Variants in MCCC1 observed in about 807,000 individuals in gnomAD.
MCCC1 encodes the protein methylcrotonyl-CoA carboxylase subunit 1, also known as methylcrotonoyl-CoA carboxylase subunit alpha, mitochondrial.
MCCC1 carries 64 observed loss-of-function variants against 83.8 expected under a neutral mutation model. The observed-to-expected ratio is 0.76, with a 90% confidence interval of 0.62 to 0.94. The LOEUF is 0.94. Among genes scored for constraint, MCCC1 ranks in the 40% least tolerant of loss-of-function variants. MCCC1 has a pLI of 0.00. For synonymous variants in MCCC1, 322 were observed against 315.4 expected (o/e 1.02, Z -0.22); for missense variants, 807 against 904.7 (o/e 0.89, Z 1.39).
At position 183,092,423 on chromosome 3, in the gene MCCC1, T is replaced by A. The variant is rs1214601221; in HGVS notation, c.259A>T (p.Met87Leu). 1 of 1,614,092 alleles carries A rather than the reference T, an allele frequency of 6.2e-7. No individual in the cohort carries two copies. The highest frequency in any genetic ancestry group is 8.5e-7 in the Non-Finnish European group (1 of 1,180,040). The change falls in exon 3 of 19, where the codon ATG (methionine) becomes TTG (leucine). Residue 87 changes from methionine to leucine, a missense_variant. Physicochemically the swap from Met to Leu is conservative, Grantham distance 15 (BLOSUM62 2). Transcript: ENST00000265594. ...TTAACACATACCATATCTACATGCA[T>A]GGAATTTCTGTCAGCCTCACTATAA... Reference protein sequence around the residue: ...AVYSEADRNSMHVDMADEAYS... With the variant: ...AVYSEADRNSLHVDMADEAYS...
rs112550563 is a variant in MCCC1, at chr3:183,088,354, A to G, written c.274-1566T>C. 9.8e-3 allele frequency among the ~76,000 whole-genome samples: 1,482 copies of G among 151,906 alleles called. 29 individuals carry two copies. The highest frequency in any genetic ancestry group is 0.034 in the African/African-American group (1,416 of 41,424). On this transcript the variant is annotated intron_variant, in intron 3 of 18. Coordinates refer to ENST00000265594, the MANE Select transcript of MCCC1 (RefSeq NM_020166.5). ...CCCGAGTAGCTGGAATTACAGGTGC[A>G]CACAATCACGCCCAGCTAATTTTTG...
intron 1 of MCCC1, among the ~76,000 whole-genome samples, chr3:183,112,792 A>G (rs1000607594): frequency 6.6e-6 from 1 of 152,098 alleles, no homozygotes; most frequent in African/African-American, 2.4e-5. Context: ...TATCCTTTGA[A>G]GGCTGGGCGC....
intron 3 of MCCC1, among the ~76,000 whole-genome samples, chr3:183,087,489 C>T (rs73053967): frequency 0.013 from 1,964 of 152,176 alleles, 43 homozygotes; most frequent in African/African-American, 0.045. Flanking sequence ...GGAGGAAAAA[C>T]CAAGGGCATA....
chr3:183,088,276 G>C (rs1047927246), intron 3 of MCCC1, among the ~76,000 whole-genome samples: 2 of 150,266 alleles, frequency 1.3e-5, no homozygotes, highest in African/African-American at 2.4e-5. Flanking sequence ...GCGCGATCTC[G>C]GCTCACTGCA....
intron 7 of MCCC1, among the ~76,000 whole-genome samples, chr3:183,067,602 C>T (rs1716349391): frequency 6.6e-6 from 1 of 152,224 alleles, no homozygotes; most frequent in Non-Finnish European, 1.5e-5. Context: ...ACAATTTAGA[C>T]TAACCCTGCT....
At chr3:183,088,208 G>GTT (rs762153887) in intron 3 of MCCC1, among the ~76,000 whole-genome samples, 5 of 139,760 alleles carry the variant, frequency 3.6e-5, no homozygotes, top group Admixed American at 7.1e-5. Flanking sequence ...TTGTTGTTGT[G>GTT]TGTTTTTTTT....
intron 14 of MCCC1, among the ~76,000 whole-genome samples, chr3:183,032,627 C>A (rs1713171392): frequency 6.6e-6 from 1 of 152,174 alleles, no homozygotes; most frequent in Non-Finnish European, 1.5e-5. Context: ...GTAATCCCAG[C>A]ACTTTGGGAG....
At chr3:183,100,988 G>A (rs7618801), upstream of MCCC1, among the ~76,000 whole-genome samples, 72,179 of 152,222 alleles carry the variant, frequency 0.47, 20,198 homozygotes, top group Non-Finnish European at 0.63. Context: ...CCCCGCACTC[G>A]GAACAGCCAG....
At chr3:183,061,592 T>C (rs2108511342) in intron 7 of MCCC1, among the ~76,000 whole-genome samples, 1 of 152,334 alleles carries the variant, frequency 6.6e-6, no homozygotes, top group Non-Finnish European at 1.5e-5. Flanking sequence ...TCAGCCATTT[T>C]TCAAAATTCC....
intron 13 of MCCC1, 136 bp from the exon 14 acceptor site, chr3:183,034,213 G>A: frequency 1.6e-6 from 1 of 634,274 alleles, no homozygotes; most frequent in Non-Finnish European, 2.8e-6. Context: ...CACTTTGGGA[G>A]GCCAAGGCGG....
chr3:183,092,244 T>A, intron 3 of MCCC1, 165 bp downstream of exon 3: 1 of 762,696 alleles, frequency 1.3e-6, no homozygotes, highest in Non-Finnish European at 2.2e-6. Context: ...GTTCAACTGA[T>A]GTTATATCTG....
At chr3:183,052,077 T>C in intron 9 of MCCC1, 82 bp downstream of exon 9, 1 of 1,333,564 alleles carries the variant, frequency 7.5e-7, no homozygotes, top group South Asian at 1.2e-5. Context: ...GCAACTGATT[T>C]AAAAGTTGTG....
At position 183,034,121 on chromosome 3, in the gene MCCC1, G is replaced by A. The variant is rs978997030; in HGVS notation, c.1595-44C>T. 3.0e-6 allele frequency: 4 copies of A among 1,339,976 alleles called. No individual in the cohort carries two copies. In the Admixed American group the frequency reaches 5.0e-5, roughly 17 times the overall value. 83.0% of individuals were successfully genotyped at this position (1,339,976 alleles called of 1,614,324 possible). On this transcript the variant is annotated intron_variant, in intron 13 of 18. Transcript: ENST00000265594. Reference sequence around the variant, plus strand: ...TCAGTAACAAACTTATGAGTATCAAGCCTATGAAATTTACACCTTACAAAA... The same window carrying A: ...TCAGTAACAAACTTATGAGTATCAAACCTATGAAATTTACACCTTACAAAA...
At chr3:183,036,760 T>C (rs1251317523) in intron 13 of MCCC1, among the ~76,000 whole-genome samples, 2 of 152,036 alleles carry the variant, frequency 1.3e-5, no homozygotes, top group African/African-American at 2.4e-5. Flanking sequence ...AGGATGGTCT[T>C]GATCTCCTGA....
intron 17 of MCCC1, among the ~76,000 whole-genome samples, chr3:183,018,587 C>T (rs1711886463): frequency 6.6e-6 from 1 of 152,236 alleles, no homozygotes; most frequent in Admixed American, 6.5e-5. Flanking sequence ...CTGCTTAGTC[C>T]CCTGTCCCCA....
chr3:183,110,138 G>T (rs1719469921), intron 1 of MCCC1, among the ~76,000 whole-genome samples: 1 of 152,008 alleles, frequency 6.6e-6, no homozygotes. Flanking sequence ...ATAGATTCTG[G>T]GTATTAGACC....
rs1187089392 is a variant in MCCC1, at chr3:183,071,326, C to T, written c.523G>A (p.Val175Ile). Residue 175 changes from valine (V) to isoleucine (I), a missense_variant, in exon 6 of 19, where the codon GTA becomes ATA. By Grantham distance (29) the Val-to-Ile change is conservative. Coordinates refer to ENST00000265594, the MANE Select transcript of MCCC1 (RefSeq NM_020166.5). ...CCATGATAACCCTCCACAACAGGTA[C>T]TCCAGCAGCAGCCATTATGGATTTG... ...TSKSIMAAAGVPVVEGYHGED... is the reference protein window; with the variant it reads ...TSKSIMAAAGIPVVEGYHGED... 6.2e-7 allele frequency: 1 copy of T among 1,614,184 alleles called. No individual in the cohort carries two copies. The highest frequency in any genetic ancestry group is 8.5e-7 in the Non-Finnish European group (1 of 1,180,034).
At chr3:183,016,743 T>C (rs1711668764) in intron 18 of MCCC1, among the ~76,000 whole-genome samples, 1 of 152,208 alleles carries the variant, frequency 6.6e-6, no homozygotes, top group Non-Finnish European at 1.5e-5. Flanking sequence ...AATTGAACCA[T>C]TGTAAGTTGA....
intron 10 of MCCC1, among the ~76,000 whole-genome samples, chr3:183,042,004 C>T (rs577480943): frequency 3.3e-5 from 5 of 152,172 alleles, no homozygotes; most frequent in Non-Finnish European, 7.3e-5. Flanking sequence ...AAAGTGATGG[C>T]TAACTTACAA....
Sources: gnomAD v4.1 joint callset for allele counts (sites outside exome capture counted in the v4.1 genomes callset) on GRCh38, gnomAD v4.1.1 for gene constraint, MANE v1.5 for transcripts, NCBI Gene and HGNC (gene_info 2026-07-23, HGNC 2026-07-21) for gene names.